Variants in ZNF385D observed in about 807,000 individuals in gnomAD.
ZNF385D encodes the protein zinc finger protein 659.
ZNF385D carries 15 observed loss-of-function variants against 35.8 expected under a neutral mutation model. The observed-to-expected ratio is 0.42, with a 90% CI of 0.28 to 0.64. The LOEUF is 0.64. Among genes scored for constraint, ZNF385D ranks in the 30% least tolerant of loss-of-function variants. ZNF385D has a pLI of 0.23. For missense variants in ZNF385D, 474 were observed against 494.6 expected (o/e 0.96, Z 0.39); for synonymous variants, 212 against 186.8 (o/e 1.13, Z -1.10).
At chr3:22,044,132 T>C (rs1478582981) in intron 3 of ZNF385D, among the ~76,000 whole-genome samples, 2 of 149,078 alleles carry the variant, frequency 1.3e-5, no homozygotes, top group African/African-American at 2.5e-5. Flanking sequence ...CAGGATTTGG[T>C]GGGTATGCTG....
At chr3:21,994,723 G>C (rs1559830524) in intron 3 of ZNF385D, among the ~76,000 whole-genome samples, 1 of 152,196 alleles carries the variant, frequency 6.6e-6, no homozygotes, top group Non-Finnish European at 1.5e-5. Flanking sequence ...TGTATCAATA[G>C]TGCTGATTGT....
At chr3:21,948,138 C>T (rs1366479750) in intron 3 of ZNF385D, among the ~76,000 whole-genome samples, 1 of 151,984 alleles carries the variant, frequency 6.6e-6, no homozygotes, top group Non-Finnish European at 1.5e-5. Flanking sequence ...AGCTGTGTAA[C>T]ATCTGACAGT....
chr3:22,086,638 G>C (rs1273931995), intron 3 of ZNF385D, among the ~76,000 whole-genome samples: 1 of 152,028 alleles, frequency 6.6e-6, no homozygotes, highest in African/African-American at 2.4e-5. Context: ...GGTAATTTGT[G>C]TTTGTTGTGG....
At chr3:21,963,683 A>G (rs181395806) in intron 3 of ZNF385D, among the ~76,000 whole-genome samples, 227 of 152,332 alleles carry the variant, frequency 1.5e-3, no homozygotes, top group Non-Finnish European at 2.3e-3. Context: ...ATCTCTTTAT[A>G]TTACAGACCT....
chr3:21,768,039 C>T (rs886559166), intron 3 of ZNF385D, among the ~76,000 whole-genome samples: 28 of 152,036 alleles, frequency 1.8e-4, no homozygotes, highest in Non-Finnish European at 3.7e-4. Context: ...TAACAACATG[C>T]ACTCATTTTG....
chr3:22,338,888 A>T (rs1368061874), intron 2 of ZNF385D, among the ~76,000 whole-genome samples: 1 of 151,890 alleles, frequency 6.6e-6, no homozygotes, highest in African/African-American at 2.4e-5. Context: ...TTTAGTAGAG[A>T]TGGAGTTTCA....
chr3:21,792,077 T>C (rs1478004733), intron 3 of ZNF385D, among the ~76,000 whole-genome samples: 1 of 152,198 alleles, frequency 6.6e-6, no homozygotes, highest in Non-Finnish European at 1.5e-5. Context: ...CAAAAGACAT[T>C]TGAGAATCAA....
chr3:22,080,329 G>A (rs921057086), intron 3 of ZNF385D, among the ~76,000 whole-genome samples: 2 of 152,080 alleles, frequency 1.3e-5, no homozygotes, highest in Non-Finnish European at 2.9e-5. Flanking sequence ...AGTCATCTAT[G>A]CAGCTGAGAC....
intron 3 of ZNF385D, among the ~76,000 whole-genome samples, chr3:21,845,684 C>A (rs1226124879): frequency 6.6e-6 from 1 of 151,912 alleles, no homozygotes; most frequent in Non-Finnish European, 1.5e-5. Flanking sequence ...ATAACCTCAG[C>A]CACATTTGCC....
Position 21,418,638 on chromosome 3 carries a change from A to C in ZNF385D, c.*2576T>G, listed in dbSNP as rs1700611399. 1.3e-5 allele frequency: 2 copies of C among 152,144 alleles called. No individual in the cohort carries two copies. Among genetic ancestry groups the C allele is most frequent in the Admixed American group, 6.5e-5 (1 of 15,268 alleles). The allele number at this position is 152,144 out of a possible 1,614,324, so 9.4% of individuals were successfully genotyped here. ...TCATTAAAGACAGTAATGCCTTGTG[A>C]CCCAGGACACTGTGTATCCCATAGG... On this transcript the variant is annotated 3_prime_UTR_variant, in exon 8 of 8. Coordinates refer to ENST00000281523, the MANE Select transcript of ZNF385D (RefSeq NM_024697.3).
intron 2 of ZNF385D, among the ~76,000 whole-genome samples, chr3:22,292,425 T>C (rs537865017): frequency 1.3e-5 from 2 of 152,222 alleles, no homozygotes; most frequent in Non-Finnish European, 2.9e-5. Context: ...AAAGCCATTG[T>C]AGGCTTTAAT....
intron 2 of ZNF385D, among the ~76,000 whole-genome samples, chr3:22,189,637 A>G (rs987897640): frequency 2.4e-4 from 36 of 152,202 alleles, no homozygotes; most frequent in African/African-American, 8.4e-4. Context: ...ATTCTTTATT[A>G]CTACCTAGAA....
intron 3 of ZNF385D, among the ~76,000 whole-genome samples, chr3:22,030,771 C>T (rs1697952376): frequency 6.6e-6 from 1 of 152,270 alleles, no homozygotes; most frequent in Non-Finnish European, 1.5e-5. Flanking sequence ...CCTCTAAAGT[C>T]TTAACTCATT....
intron 3 of ZNF385D, among the ~76,000 whole-genome samples, chr3:21,962,218 C>G (rs1345307108): frequency 6.6e-6 from 1 of 151,910 alleles, no homozygotes; most frequent in African/African-American, 2.4e-5. Flanking sequence ...AATCCTGGTG[C>G]TGGATGTAAA....
At chr3:22,169,465 T>A (rs751992113) in intron 2 of ZNF385D, among the ~76,000 whole-genome samples, 5 of 152,222 alleles carry the variant, frequency 3.3e-5, no homozygotes, top group Non-Finnish European at 5.9e-5. Flanking sequence ...TAGTATGTAA[T>A]AATGAATTAG....
intron 3 of ZNF385D, among the ~76,000 whole-genome samples, chr3:22,160,601 A>C (rs1295603474): frequency 2.6e-5 from 4 of 152,126 alleles, no homozygotes; most frequent in Admixed American, 2.0e-4. Context: ...CTAGAAATTA[A>C]AATTCTATTT....
intron 3 of ZNF385D, among the ~76,000 whole-genome samples, chr3:22,041,987 T>C (rs1204623196): frequency 6.6e-6 from 1 of 152,166 alleles, no homozygotes; most frequent in Non-Finnish European, 1.5e-5. Flanking sequence ...TTTAGCAGTA[T>C]TTTATTGCCT....
At chr3:21,754,999 G>C (rs1163965093), upstream of ZNF385D, among the ~76,000 whole-genome samples, 1 of 152,200 alleles carries the variant, frequency 6.6e-6, no homozygotes, top group Non-Finnish European at 1.5e-5. Context: ...ATTTGTCCAT[G>C]CTTAGCAGCA....
intron 3 of ZNF385D, among the ~76,000 whole-genome samples, chr3:22,007,834 A>G (rs1576139733): frequency 6.6e-6 from 1 of 151,130 alleles, no homozygotes; most frequent in Non-Finnish European, 1.5e-5. Flanking sequence ...TAATTTTTAT[A>G]TAATTTATAT....
Sources: gnomAD v4.1 joint callset for allele counts (sites outside exome capture counted in the v4.1 genomes callset) on GRCh38, gnomAD v4.1.1 for gene constraint, MANE v1.5 for transcripts, NCBI Gene and HGNC (gene_info 2026-07-23, HGNC 2026-07-21) for gene names.